Variants in DNAJC3 observed in about 807,000 individuals in gnomAD.
DNAJC3 encodes dnaJ homolog subfamily C member 3.
DNAJC3 carries 38 observed loss-of-function variants against 68.6 expected under a neutral mutation model. The observed-to-expected ratio is 0.55, with a 90% CI of 0.43 to 0.73. DNAJC3 has a LOEUF of 0.73. Ranked by LOEUF, DNAJC3 falls within the 30% of genes least tolerant of loss-of-function variation. The probability of loss-of-function intolerance (pLI) is 0.00; values close to 1 mark genes in which losing one functional copy is unlikely to be tolerated. For synonymous variants in DNAJC3, 203 were observed against 204.0 expected, an observed-to-expected ratio of 1.00 and a Z score of 0.04; for missense variants, 526 against 591.9, an observed-to-expected ratio of 0.89 and a Z score of 1.16.
chr13:95,742,904 G>T, intron 4 of DNAJC3: 1 of 479,894 alleles, frequency 2.1e-6, no homozygotes, highest in Non-Finnish European at 4.2e-6. Context: ...AAGTTTTATG[G>T]TTTTGTGTTT....
At chr13:95,699,640 T>A (rs1164708465) in intron 1 of DNAJC3, among the ~76,000 whole-genome samples, 2 of 152,160 alleles carry the variant, frequency 1.3e-5, no homozygotes, top group African/African-American at 2.4e-5. Flanking sequence ...TTTCGGTAGT[T>A]GTTGTGAGTC....
chr13:95,724,128 T>C (rs1185972668), intron 3 of DNAJC3, among the ~76,000 whole-genome samples: 7 of 152,212 alleles, frequency 4.6e-5, no homozygotes, highest in African/African-American at 1.7e-4. Context: ...AATTCCCAAA[T>C]CTCAAATATT....
At chr13:95,698,397 C>G (rs186485225) in intron 1 of DNAJC3, among the ~76,000 whole-genome samples, 1 of 152,120 alleles carries the variant, frequency 6.6e-6, no homozygotes, top group East Asian at 1.9e-4. Context: ...TGGGTCAGGG[C>G]GAGATAGCTG....
intron 2 of DNAJC3, among the ~76,000 whole-genome samples, chr13:95,716,769 C>T (rs1208661740): frequency 6.6e-6 from 1 of 152,198 alleles, no homozygotes; most frequent in Non-Finnish European, 1.5e-5. Context: ...TGCTCTTCTT[C>T]TCCTCTAGAC....
intron 4 of DNAJC3, among the ~76,000 whole-genome samples, chr13:95,754,925 A>G (rs910646265): frequency 6.6e-6 from 1 of 152,180 alleles, no homozygotes; most frequent in Non-Finnish European, 1.5e-5. Flanking sequence ...CCAGAAGCTC[A>G]GTGACCAGGA....
chr13:95,772,159 G>A (rs924432711), intron 9 of DNAJC3, among the ~76,000 whole-genome samples: 1 of 152,156 alleles, frequency 6.6e-6, no homozygotes, highest in African/African-American at 2.4e-5. Context: ...TGAAAAACAG[G>A]TGGTGGGCTG....
chr13:95,748,802 C>A (rs777686585), intron 4 of DNAJC3, among the ~76,000 whole-genome samples: 5 of 152,098 alleles, frequency 3.3e-5, no homozygotes, highest in Non-Finnish European at 7.4e-5. Context: ...GGTGACAGAG[C>A]CAGACTCCGT....
intron 2 of DNAJC3, among the ~76,000 whole-genome samples, chr13:95,710,137 G>C (rs17885366): frequency 0.017 from 2,591 of 152,064 alleles, 80 homozygotes; most frequent in African/African-American, 0.06. Flanking sequence ...ATCAACTGTC[G>C]TGCAGCTGCT....
Position 95,748,124 on chromosome 13 carries a change from G to A in DNAJC3, c.394-9520G>A, listed in dbSNP as rs561458737. On this transcript the variant is annotated intron_variant, in intron 4 of 11. Transcript: ENST00000602402. ...ACTATATCTTTGCTATTCATGCTTT[G>A]GGCTTACGTGGATAATATTTAAATT... 1.2e-4 allele frequency among the ~76,000 whole-genome samples: 19 copies of A among 152,108 alleles called. No individual in the cohort carries two copies. In the East Asian group the frequency reaches 3.5e-3, roughly 28 times the overall value.
At chr13:95,700,731 C>T (rs1211143802) in intron 1 of DNAJC3, among the ~76,000 whole-genome samples, 3 of 152,266 alleles carry the variant, frequency 2.0e-5, no homozygotes, top group Middle Eastern at 3.4e-3. Flanking sequence ...CTGTACTTGA[C>T]CTCCATATCT....
intron 11 of DNAJC3, among the ~76,000 whole-genome samples, chr13:95,788,545 TG>T (rs1403596746): frequency 7.2e-5 from 11 of 152,238 alleles, no homozygotes; most frequent in Non-Finnish European, 2.9e-5. Flanking sequence ...TTTAGGAATA[TG>T]TTTAGTAGAA....
rs566923678 is a variant in DNAJC3 at position 95,678,039 on chromosome 13, A to G, written c.82+702A>G. On this transcript the variant is annotated intron_variant, in intron 1 of 11. Transcript: ENST00000602402. ...TGTAAAAAGGTTCCCTTAAAAAGATACGAACGATTAAATTTCACTTCAGTC... is the reference window on the plus strand; with the variant it reads ...TGTAAAAAGGTTCCCTTAAAAAGATGCGAACGATTAAATTTCACTTCAGTC... Among the ~76,000 whole-genome samples the G allele has an allele frequency of 7.9e-5, 12 of 152,294 alleles. No homozygotes were observed. In the South Asian group the frequency reaches 2.5e-3, roughly 32 times the overall value.
chr13:95,708,391 T>A (rs142221813), intron 1 of DNAJC3, among the ~76,000 whole-genome samples: 2 of 152,196 alleles, frequency 1.3e-5, no homozygotes, highest in African/African-American at 4.8e-5. Flanking sequence ...CAAGTAAATA[T>A]TCAAAGCTGT....
chr13:95,688,930 GTGTGTGT>G (rs1566466643), intron 1 of DNAJC3, among the ~76,000 whole-genome samples: 94 of 51,306 alleles, frequency 1.8e-3, no homozygotes, highest in Non-Finnish European at 2.6e-3. Flanking sequence ...TTGTGTGGGT[GTGTGTGT>G]GTGTGTGTGT....
intron 9 of DNAJC3, among the ~76,000 whole-genome samples, chr13:95,784,982 A>G (rs746982037): frequency 6.6e-6 from 1 of 152,196 alleles, no homozygotes; most frequent in Non-Finnish European, 1.5e-5. Context: ...GTAATAAAAT[A>G]AAAGATGTAA....
intron 2 of DNAJC3, among the ~76,000 whole-genome samples, chr13:95,714,805 T>A (rs2139632325): frequency 6.6e-6 from 1 of 152,374 alleles, no homozygotes; most frequent in African/African-American, 2.4e-5. Context: ...TTTGCAGAAA[T>A]GTATATACCT....
At chr13:95,691,782 C>T (rs894083322) in intron 1 of DNAJC3, among the ~76,000 whole-genome samples, 5 of 152,214 alleles carry the variant, frequency 3.3e-5, no homozygotes, top group African/African-American at 9.7e-5. Flanking sequence ...ACTGAGTGAA[C>T]GAGACTCCCT....
chr13:95,722,258 T>C (rs1470060003), intron 2 of DNAJC3, among the ~76,000 whole-genome samples: 2 of 152,194 alleles, frequency 1.3e-5, no homozygotes, highest in East Asian at 3.9e-4. Context: ...CTAGTCTCAC[T>C]CTCATTTCTG....
At chr13:95,754,986 G>T (rs11616456) in intron 4 of DNAJC3, among the ~76,000 whole-genome samples, 53,375 of 151,888 alleles carry the variant, frequency 0.35, 9,820 homozygotes, top group Non-Finnish European at 0.41. Flanking sequence ...AAGGGATTTG[G>T]CAGAAAGAGT....
Sources: allele counts gnomAD v4.1 joint callset (sites outside exome capture counted in the v4.1 genomes callset), GRCh38; gene constraint gnomAD v4.1.1; transcripts MANE v1.5; gene names NCBI Gene and HGNC (gene_info 2026-07-23, HGNC 2026-07-21).